The following DEUP1 variants were observed in gnomAD, a reference collection of about 807,000 sequenced individuals.
The protein encoded by DEUP1 is deuterosome assembly protein 1.
DEUP1 carries 82 observed loss-of-function variants against 87.4 expected under a neutral mutation model. The observed-to-expected ratio is 0.94, with a 90% CI of 0.78 to 1.13. The LOEUF (loss-of-function observed/expected upper bound fraction) is 1.13. DEUP1 is among the 50% of genes most tolerant of loss of function. The pLI is 0.00. For missense variants in DEUP1, 663 were observed against 681.5 expected (o/e 0.97, Z 0.30); for synonymous variants, 214 against 222.7 (o/e 0.96, Z 0.35).
At chr11:93,338,109 C>T (rs1030707080) in intron 2 of DEUP1, among the ~76,000 whole-genome samples, 4 of 152,098 alleles carry the variant, frequency 2.6e-5, no homozygotes, top group African/African-American at 4.8e-5. Flanking sequence ...TGCGTTTGTT[C>T]TCTCCCCAAA....
intron 4 of DEUP1, among the ~76,000 whole-genome samples, chr11:93,358,279 T>C (rs1010382819): frequency 4.6e-5 from 7 of 152,240 alleles, no homozygotes; most frequent in Non-Finnish European, 7.3e-5. Context: ...ATTTAATATA[T>C]GAATCCTTGC....
At chr11:93,390,686 T>C (rs79368759) in intron 9 of DEUP1, among the ~76,000 whole-genome samples, 5,246 of 152,212 alleles carry the variant, frequency 0.034, 250 homozygotes, top group African/African-American at 0.11. Flanking sequence ...AGTTTTGACA[T>C]GGTGGGAGAG....
Position 93,355,524 on chromosome 11 carries a change from G to A in DEUP1, c.183G>A (p.Leu61=). 12 of 1,613,382 alleles carry A rather than the reference G, an allele frequency of 7.4e-6. No homozygotes were observed. The highest frequency in any genetic ancestry group is 1.0e-5 in the Non-Finnish European group (12 of 1,179,612). Residue 61 remains leucine, a synonymous_variant, in exon 3 of 14, where the codon TTG becomes TTA. Transcript: ENST00000298050. ...DQELANAQTC[L]DQKGQEVGLL... is the part of the protein sequence containing the mutation. ...AATTGGCAAATGCACAAACTTGTTT[G>A]GATCAGAAAGGTCAAGAGGTACTGA...
chr11:93,392,381 C>T (rs1489003828), intron 9 of DEUP1, among the ~76,000 whole-genome samples: 1 of 152,074 alleles, frequency 6.6e-6, no homozygotes, highest in Non-Finnish European at 1.5e-5. Flanking sequence ...AGTTATGCAC[C>T]TTAATTTTCT....
chr11:93,341,866 C>A (rs894230026), intron 2 of DEUP1, among the ~76,000 whole-genome samples: 1 of 152,156 alleles, frequency 6.6e-6, no homozygotes, highest in Non-Finnish European at 1.5e-5. Flanking sequence ...AAAGTGTTGG[C>A]AGGATTGCCC....
At chr11:93,419,747 C>G (rs1405721770) in intron 13 of DEUP1, among the ~76,000 whole-genome samples, 3 of 151,692 alleles carry the variant, frequency 2.0e-5, no homozygotes, top group Admixed American at 1.3e-4. Context: ...GTGTTTATGT[C>G]AACAGTTGGA....
intron 2 of DEUP1, among the ~76,000 whole-genome samples, chr11:93,339,731 G>A (rs1205439031): frequency 3.9e-5 from 6 of 152,114 alleles, no homozygotes; most frequent in African/African-American, 1.2e-4. Flanking sequence ...ACACAGTGTC[G>A]GAGGAGGCCA....
chr11:93,418,596 A>C (rs1051023689), intron 13 of DEUP1, among the ~76,000 whole-genome samples: 3 of 151,724 alleles, frequency 2.0e-5, no homozygotes, highest in Admixed American at 6.6e-5. Context: ...ACTGTAAACT[A>C]GTTCAACCAT....
intron 13 of DEUP1, among the ~76,000 whole-genome samples, chr11:93,436,886 G>T (rs1948262152): frequency 6.6e-6 from 1 of 152,094 alleles, no homozygotes; most frequent in Admixed American, 6.5e-5. Context: ...TTTAGCCACA[G>T]ATTTTTATTT....
At chr11:93,361,754 A>G (rs1945187323) in intron 4 of DEUP1, among the ~76,000 whole-genome samples, 1 of 152,092 alleles carries the variant, frequency 6.6e-6, no homozygotes, top group African/African-American at 2.4e-5. Context: ...CAGGAAACAA[A>G]AAAGGGCTTA....
intron 13 of DEUP1, among the ~76,000 whole-genome samples, chr11:93,431,814 T>G (rs11020357): frequency 0.25 from 38,367 of 151,784 alleles, 5,267 homozygotes; most frequent in South Asian, 0.37. Flanking sequence ...GAGAAAAGAG[T>G]GATTAAAGAT....
chr11:93,400,290 C>T (rs1047022418), intron 11 of DEUP1, among the ~76,000 whole-genome samples: 3 of 152,190 alleles, frequency 2.0e-5, no homozygotes, highest in Admixed American at 6.5e-5. Flanking sequence ...TATGCTCTCT[C>T]TGAAACCTGT....
At chr11:93,362,349 CTTACTAA>C in intron 4 of DEUP1, among the ~76,000 whole-genome samples, 1 of 151,920 alleles carries the variant, frequency 6.6e-6, no homozygotes. Context: ...ATATGAATAA[CTTACTAA>C]TTAATAATAA....
chr11:93,352,559 G>T, intron 2 of DEUP1: 1 of 609,534 alleles, frequency 1.6e-6, no homozygotes, highest in Non-Finnish European at 2.9e-6. Context: ...AAGACTTACA[G>T]TATCTCCCCA....
chr11:93,363,727 T>G (rs1465547358), intron 4 of DEUP1, among the ~76,000 whole-genome samples: 1 of 152,094 alleles, frequency 6.6e-6, no homozygotes, highest in East Asian at 1.9e-4. Flanking sequence ...ATGTTACTTA[T>G]GTCTTTTAAA....
intron 2 of DEUP1, among the ~76,000 whole-genome samples, chr11:93,344,582 C>T (rs978245798): frequency 6.6e-6 from 1 of 152,098 alleles, no homozygotes; most frequent in Non-Finnish European, 1.5e-5. Context: ...GCTCCACACC[C>T]ATTTCTATTT....
chr11:93,417,450 A>G (rs2134456390), intron 13 of DEUP1, among the ~76,000 whole-genome samples: 1 of 152,246 alleles, frequency 6.6e-6, no homozygotes, highest in Non-Finnish European at 1.5e-5. Context: ...AGATAATAAA[A>G]TACCTAGGAA....
chr11:93,350,692 G>C (rs1373124822), intron 2 of DEUP1, among the ~76,000 whole-genome samples: 1 of 151,978 alleles, frequency 6.6e-6, no homozygotes, highest in African/African-American at 2.4e-5. Context: ...GCTCACACCT[G>C]TAACCCCAGC....
chr11:93,374,330 T>A (rs1945923586), intron 7 of DEUP1, among the ~76,000 whole-genome samples: 1 of 152,156 alleles, frequency 6.6e-6, no homozygotes, highest in East Asian at 1.9e-4. Context: ...TGCTTTTGGG[T>A]TCTTGGTCAT....
Sources: gnomAD v4.1 joint callset for allele counts (sites outside exome capture counted in the v4.1 genomes callset) on GRCh38, gnomAD v4.1.1 for gene constraint, MANE v1.5 for transcripts, NCBI Gene and HGNC (gene_info 2026-07-23, HGNC 2026-07-21) for gene names.